NTSR1: variants seen among roughly 807,000 people sequenced by gnomAD.
NTSR1 encodes neurotensin receptor type 1.
In NTSR1, 29 loss-of-function variants were observed where a neutral mutation model predicts 31.2. That is an observed-to-expected ratio of 0.93 (90% CI 0.69 to 1.27). NTSR1 has a LOEUF of 1.27. Among genes scored for constraint, NTSR1 ranks in the 50% most tolerant of loss-of-function variants. NTSR1 has a pLI of 0.00. For missense variants in NTSR1, 697 were observed against 595.4 expected, an observed-to-expected ratio of 1.17 and a Z score of -1.78; for synonymous variants, 282 against 269.9, an observed-to-expected ratio of 1.04 and a Z score of -0.44.
intron 1 of NTSR1, among the ~76,000 whole-genome samples, chr20:62,712,500 T>TA (rs936161554): frequency 3.3e-5 from 5 of 152,244 alleles, no homozygotes; most frequent in African/African-American, 1.2e-4. Flanking sequence ...TGGAGCAACT[T>TA]ACAATAATCC....
At chr20:62,748,373 CA>C (rs1321460242) in intron 1 of NTSR1, among the ~76,000 whole-genome samples, 3 of 151,992 alleles carry the variant, frequency 2.0e-5, no homozygotes, top group African/African-American at 7.3e-5. Context: ...TCTACAGATT[CA>C]GTGCAATCCC....
In NTSR1 at chr20:62,755,024, G is replaced by C. The variant is rs1303874991; in HGVS notation, c.916+138G>C. The C allele has an allele frequency of 2.1e-5, 16 of 774,014 alleles. No homozygotes were observed. The East Asian group carries it at 4.3e-4, about 21-fold the overall frequency. The allele number at this position is 774,014 out of a possible 1,614,324, so 47.9% of individuals were successfully genotyped here. On this transcript the variant is annotated intron_variant, in intron 2 of 3. Transcript: ENST00000370501. ...GTCAGGCCAAGACCCAAGGGTGCCA[G>C]CTCCCCCGAGGGGTGAGTGCCATTC... is the stretch of plus-strand genomic sequence containing the variant.
chr20:62,720,145 C>T (rs1211250259), intron 1 of NTSR1, among the ~76,000 whole-genome samples: 1 of 152,082 alleles, frequency 6.6e-6, no homozygotes, highest in Non-Finnish European at 1.5e-5. Flanking sequence ...ACTAAAAATA[C>T]AAAACTTAGC....
chr20:62,725,734 G>T (rs917080743), intron 1 of NTSR1, among the ~76,000 whole-genome samples: 1 of 152,140 alleles, frequency 6.6e-6, no homozygotes, highest in Admixed American at 6.5e-5. Context: ...AGTGTTATTG[G>T]TATCACCCCC....
rs1957040809 is a variant in NTSR1 at position 62,742,885 on chromosome 20, G to A, written c.715-11800G>A. On this transcript the variant is annotated intron_variant, in intron 1 of 3. Coordinates refer to ENST00000370501, the MANE Select transcript of NTSR1 (RefSeq NM_002531.3). This position sits in a 1 kb window ranked among gnomAD's most constrained non-coding sequence, Gnocchi z 7.1. The stretch of plus-strand genomic sequence containing the variant: ...CCAGGGCTGTGAGGTGGTCACAGTG[G>A]CTCTGGTGTGGCCGTGGGGTTCCTG... Among the ~76,000 whole-genome samples the A allele has an allele frequency of 1.3e-5, 2 of 149,704 alleles. 1 individual carries two copies. Among genetic ancestry groups the A allele is most frequent in the Admixed American group, 1.3e-4 (2 of 14,944 alleles).
chr20:62,721,505 T>A (rs1290384794), intron 1 of NTSR1, among the ~76,000 whole-genome samples: 2 of 152,268 alleles, frequency 1.3e-5, no homozygotes, highest in Non-Finnish European at 2.9e-5. Context: ...TTTGTCTCAC[T>A]GTCTGTCCGT....
intron 1 of NTSR1, among the ~76,000 whole-genome samples, chr20:62,737,629 G>A (rs1218521866): frequency 1.3e-5 from 2 of 152,030 alleles, no homozygotes; most frequent in African/African-American, 2.4e-5. Context: ...CCCTGCCTGG[G>A]CGCTGCGATC....
chr20:62,736,483 G>C (rs1035257394), intron 1 of NTSR1, among the ~76,000 whole-genome samples: 6 of 152,264 alleles, frequency 3.9e-5, no homozygotes, highest in African/African-American at 1.4e-4. Context: ...GGAACCAGGA[G>C]AGGGGGTTTG....
intron 1 of NTSR1, among the ~76,000 whole-genome samples, chr20:62,734,749 G>A (rs1007263693): frequency 5.9e-5 from 9 of 152,202 alleles, no homozygotes; most frequent in Non-Finnish European, 4.4e-5. Flanking sequence ...GCGGAAAGGC[G>A]GTATACAATA....
chr20:62,754,315 C>T (rs963795803), intron 1 of NTSR1, among the ~76,000 whole-genome samples: 1 of 152,208 alleles, frequency 6.6e-6, no homozygotes, highest in Admixed American at 6.5e-5. Flanking sequence ...CTCAGCCATG[C>T]ACACAACATG....
In NTSR1 at chr20:62,733,413, T is replaced by C. The variant is rs1427910886; in HGVS notation, c.715-21272T>C. On this transcript the variant is annotated intron_variant, in intron 1 of 3. Transcript: ENST00000370501. The surrounding 1 kb of genome is among the most constrained non-coding windows in gnomAD (Gnocchi z 5.2). The stretch of plus-strand genomic sequence containing the variant: ...ATGAGCATCTCTCGGGACAGTTGTG[T>C]TTCCCTTGGGCAGGGAGCCACTGGC... Among the ~76,000 whole-genome samples, 1 of 152,204 alleles carries C rather than the reference T, an allele frequency of 6.6e-6. No homozygotes were observed. The highest frequency in any genetic ancestry group is 1.5e-5 in the Non-Finnish European group (1 of 68,040).
At chr20:62,751,293 T>C (rs928651525) in intron 1 of NTSR1, among the ~76,000 whole-genome samples, 1 of 152,224 alleles carries the variant, frequency 6.6e-6, no homozygotes, top group Non-Finnish European at 1.5e-5. Context: ...TTACGGTTTT[T>C]GGTTTTAGGT....
In NTSR1 at chr20:62,714,186, G is replaced by A. The variant is rs577700888; in HGVS notation, c.714+4265G>A. On this transcript the variant is annotated intron_variant, in intron 1 of 3. Transcript: ENST00000370501. The surrounding 1 kb of genome is among the most constrained non-coding windows in gnomAD (Gnocchi z 4.1). Reference sequence around the variant, plus strand: ...CCGTGAGGACGGGAAGGGGACCCACGCCACGCAGCTGTGGGCAGCTCTGGC... The same window carrying A: ...CCGTGAGGACGGGAAGGGGACCCACACCACGCAGCTGTGGGCAGCTCTGGC... 4.1e-4 allele frequency among the ~76,000 whole-genome samples: 63 copies of A among 152,340 alleles called. 1 individual carries two copies. Among genetic ancestry groups the A allele is most frequent in the Admixed American group, 3.5e-3 (54 of 15,308 alleles).
chr20:62,722,592 A>C (rs1408081266), intron 1 of NTSR1, among the ~76,000 whole-genome samples: 1 of 152,170 alleles, frequency 6.6e-6, no homozygotes, highest in East Asian at 1.9e-4. Flanking sequence ...CACAGCCCGC[A>C]TCTCTGATCT....
rs1042251737 is a variant in NTSR1 at position 62,745,531 on chromosome 20, C to T, written c.715-9154C>T. Among the ~76,000 whole-genome samples, 1 of 151,906 alleles carries T rather than the reference C, an allele frequency of 6.6e-6. No homozygotes were observed. Among genetic ancestry groups the T allele is most frequent in the African/African-American group, 2.4e-5 (1 of 41,302 alleles). ...AGGAAAACAGTGAAAGACAGAGACA[C>T]AGAGGAAAACACACAGATATACAGA... On this transcript the variant is annotated intron_variant, in intron 1 of 3. Coordinates refer to ENST00000370501, the MANE Select transcript of NTSR1 (RefSeq NM_002531.3). The surrounding 1 kb of genome is among the most constrained non-coding windows in gnomAD (Gnocchi z 4.1).
intron 1 of NTSR1, among the ~76,000 whole-genome samples, chr20:62,747,981 G>A (rs1333493909): frequency 6.6e-6 from 1 of 152,170 alleles, no homozygotes; most frequent in Non-Finnish European, 1.5e-5. Flanking sequence ...TTTGAAACCA[G>A]CCTGGCCAAC....
At position 62,715,927 on chromosome 20, in the gene NTSR1, C is replaced by T. The variant is rs1456372245; in HGVS notation, c.714+6006C>T. ...GCTGAGCAGGGCCCGAGAGGACGTCCGACCTGTGCACGAACCAGAGGCTGC... is the reference window on the plus strand; with the variant it reads ...GCTGAGCAGGGCCCGAGAGGACGTCTGACCTGTGCACGAACCAGAGGCTGC... On this transcript the variant is annotated intron_variant, in intron 1 of 3. Transcript: ENST00000370501. The surrounding 1 kb of genome is among the most constrained non-coding windows in gnomAD (Gnocchi z 4.7). Among the ~76,000 whole-genome samples, 3 of 152,126 alleles carry T rather than the reference C, an allele frequency of 2.0e-5. No individual in the cohort carries two copies. In the South Asian group the frequency reaches 6.2e-4, roughly 32 times the overall value.
At chr20:62,718,560 C>T (rs1988776374) in intron 1 of NTSR1, among the ~76,000 whole-genome samples, 1 of 151,222 alleles carries the variant, frequency 6.6e-6, no homozygotes, top group South Asian at 2.1e-4. Flanking sequence ...GCCCGCCCCT[C>T]CACCCACTGG....
chr20:62,755,933 C>T (rs1457279946), intron 2 of NTSR1, among the ~76,000 whole-genome samples: 1 of 140,036 alleles, frequency 7.1e-6, no homozygotes, highest in Non-Finnish European at 1.5e-5. Context: ...CCCTCCTTCC[C>T]TCCCTTGTTC....
Sources: gnomAD v4.1 joint callset for allele counts (sites outside exome capture counted in the v4.1 genomes callset) on GRCh38, gnomAD v4.1.1 for gene constraint, Gnocchi (gnomAD v3.1) non-coding constraint, MANE v1.5 for transcripts, NCBI Gene and HGNC (gene_info 2026-07-23, HGNC 2026-07-21) for gene names.